Variants in COL20A1 observed in about 807,000 individuals in gnomAD.
The protein encoded by COL20A1 is collagen alpha-1(XX) chain.
COL20A1 carries 164 observed loss-of-function variants against 152.9 expected under a neutral mutation model. The ratio of observed to expected loss-of-function variants is 1.07; its 90% CI spans 0.94 to 1.22. The LOEUF is 1.22. Ranked by LOEUF, COL20A1 falls within the 50% of genes most tolerant of loss-of-function variation. The pLI is 0.00. For synonymous variants in COL20A1, 864 were observed against 756.0 expected (o/e 1.14, Z -2.34); for missense variants, 1,873 against 1,744.8 (o/e 1.07, Z -1.31).
At chr20:63,317,923 C>T (rs2068105900) in intron 21 of COL20A1, among the ~76,000 whole-genome samples, 1 of 152,042 alleles carries the variant, frequency 6.6e-6, no homozygotes, top group Admixed American at 6.5e-5. Flanking sequence ...GCTGGGTGTT[C>T]TTACGGGTGG....
chr20:63,299,755 CTTTA>C (rs1277846807), intron 3 of COL20A1, among the ~76,000 whole-genome samples: 7 of 151,598 alleles, frequency 4.6e-5, no homozygotes, highest in African/African-American at 1.7e-4. Flanking sequence ...TTATTTTCTC[CTTTA>C]TTTGATTAAT....
Position 63,306,134 on chromosome 20 carries a change from G to A in COL20A1, c.496+95G>A, listed in dbSNP as rs1262398803. The A allele has an allele frequency of 2.6e-6, 3 of 1,156,814 alleles. No individual in the cohort carries two copies. Among genetic ancestry groups the A allele is most frequent in the Non-Finnish European group, 3.6e-6 (3 of 822,364 alleles). 71.7% of individuals were successfully genotyped at this position (1,156,814 alleles called of 1,614,324 possible). ...ATGAGGCCAGGAAGTTCTTCCTCGTGTCTGACCACACGGTCTCTGACCACG... is the reference window on the plus strand; with the variant it reads ...ATGAGGCCAGGAAGTTCTTCCTCGTATCTGACCACACGGTCTCTGACCACG... On this transcript the variant is annotated intron_variant, in intron 5 of 35. Transcript: ENST00000358894. The surrounding 1 kb of genome is among the most constrained non-coding windows in gnomAD (Gnocchi z 6.9).
At chr20:63,321,820 T>A (rs962150983) in intron 26 of COL20A1, among the ~76,000 whole-genome samples, 2 of 152,138 alleles carry the variant, frequency 1.3e-5, no homozygotes, top group African/African-American at 4.8e-5. Context: ...TCCACAGCCT[T>A]GTCTACTCAG....
At chr20:63,325,153 G>C in intron 27 of COL20A1, 1 of 580,242 alleles carries the variant, frequency 1.7e-6, no homozygotes, top group Non-Finnish European at 3.2e-6. Context: ...GTGTCTCCAT[G>C]TCGGTCTGGG....
At chr20:63,298,430 A>G (rs2067826255) in intron 3 of COL20A1, among the ~76,000 whole-genome samples, 1 of 152,014 alleles carries the variant, frequency 6.6e-6, no homozygotes, top group Non-Finnish European at 1.5e-5. Context: ...AGCTGGGAGT[A>G]CAGGTGCGTG....
At position 63,297,921 on chromosome 20, in the gene COL20A1, C is replaced by T. The variant is rs945862786; in HGVS notation, c.94C>T (p.Leu32=). ...GREQVQASGL[L]RLAVLPEDRL... Reference sequence around the variant, plus strand: ...TCCTGTTTCTGTAGCAAGCGGTCTCCTGAGGCTGGCTGTGCTGCCTGAGGA... The same window carrying T: ...TCCTGTTTCTGTAGCAAGCGGTCTCTTGAGGCTGGCTGTGCTGCCTGAGGA... Residue 32 remains leucine (L), a synonymous_variant, in exon 3 of 36, where the codon CTG becomes TTG. Coordinates refer to ENST00000358894, the MANE Select transcript of COL20A1 (RefSeq NM_020882.4). 17 of 1,613,266 alleles carry T rather than the reference C, an allele frequency of 1.1e-5. No individual in the cohort carries two copies. Among genetic ancestry groups the T allele is most frequent in the Admixed American group, 3.3e-5 (2 of 59,998 alleles).
chr20:63,329,071 G>A (rs960946298), intron 34 of COL20A1: 2 of 169,764 alleles, frequency 1.2e-5, no homozygotes, highest in Middle Eastern at 5.4e-3. Flanking sequence ...GCCAGACGAG[G>A]ACTGAGTTCT....
At position 63,297,973 on chromosome 20, in the gene COL20A1, C is replaced by T. The variant is rs779300811; in HGVS notation, c.146C>T (p.Ser49Leu). 23 of 1,612,822 alleles carry T rather than the reference C, an allele frequency of 1.4e-5. No homozygotes were observed. Among genetic ancestry groups the T allele is most frequent in the Admixed American group, 6.7e-5 (4 of 59,994 alleles). ...EDRLQMKWRE[S>L]EGSGLGYLVQ... ...CGGCTGCAGATGAAGTGGAGAGAGT[C>T]GGAGGGGAGCGGCCTCGGCTACCTG... Residue 49 changes from serine to leucine, a missense_variant, in exon 3 of 36, where the codon TCG becomes TTG. Coordinates refer to ENST00000358894, the MANE Select transcript of COL20A1 (RefSeq NM_020882.4).
rs2067990872 is a variant in COL20A1 at position 63,310,464 on chromosome 20, C to T, written c.1347C>T (p.Ile449=). 6.2e-7 allele frequency: 1 copy of T among 1,608,742 alleles called. No individual in the cohort carries two copies. The highest frequency in any genetic ancestry group is 8.5e-7 in the Non-Finnish European group (1 of 1,178,344). ...RTEYLVSVFP[I]YEGGVGEGLR... ...AGTACCTGGTCTCCGTGTTCCCCAT[C>T]TATGAGGGCGGGGTTGGCGAAGGCC... The change falls in exon 11 of 36, where the codon ATC becomes ATT. Residue 449 remains isoleucine, a synonymous_variant. Transcript: ENST00000358894.
rs1360649553 is a variant in COL20A1, at chr20:63,313,289, A to G, written c.2209+40A>G. ...ACTTCCCCTCTGCTGGGTGTGGGGC[A>G]GGGATGGCCCAGGGGATCCCTGACT... is the stretch of plus-strand genomic sequence containing the variant. On this transcript the variant is annotated intron_variant, in intron 17 of 35. Coordinates refer to ENST00000358894, the MANE Select transcript of COL20A1 (RefSeq NM_020882.4). This position sits in a 1 kb window ranked among gnomAD's most constrained non-coding sequence, Gnocchi z 5.9. 6.3e-7 allele frequency: 1 copy of G among 1,581,508 alleles called. No homozygotes were observed. Among genetic ancestry groups the G allele is most frequent in the Non-Finnish European group, 8.6e-7 (1 of 1,160,726 alleles).
Position 63,333,838 on chromosome 20 carries a change from T to G in COL20A1, c.*3122T>G, listed in dbSNP as rs2068362004. The G allele has an allele frequency of 6.6e-6, 1 of 152,284 alleles. No homozygotes were observed. The highest frequency in any genetic ancestry group is 6.5e-5 in the Admixed American group (1 of 15,282). 9.4% of individuals were successfully genotyped at this position (152,284 alleles called of 1,614,324 possible). On this transcript the variant is annotated 3_prime_UTR_variant, in exon 36 of 36. Coordinates refer to ENST00000358894, the MANE Select transcript of COL20A1 (RefSeq NM_020882.4). ...AGCCTGCCCCGATGCCATCTGCACCTGGGGGGCGACGTATGGCTGCCAGCC... is the reference window on the plus strand; with the variant it reads ...AGCCTGCCCCGATGCCATCTGCACCGGGGGGGCGACGTATGGCTGCCAGCC...
Position 63,319,900 on chromosome 20 carries a change from C to A in COL20A1, c.2917-139C>A. ...AAGGGGGGGTTCTCCCAGGGTCCCC[C>A]GAAACCTGAGGTGAGGTCAGGTTCC... On this transcript the variant is annotated intron_variant, in intron 23 of 35. Coordinates refer to ENST00000358894, the MANE Select transcript of COL20A1 (RefSeq NM_020882.4). This position sits in a 1 kb window ranked among gnomAD's most constrained non-coding sequence, Gnocchi z 4.4. 1 of 844,280 alleles carries A rather than the reference C, an allele frequency of 1.2e-6. No homozygotes were observed. 52.3% of individuals were successfully genotyped at this position (844,280 alleles called of 1,614,324 possible).
intron 2 of COL20A1, among the ~76,000 whole-genome samples, chr20:63,296,024 G>C (rs1050781341): frequency 6.6e-6 from 1 of 152,264 alleles, no homozygotes; most frequent in South Asian, 2.1e-4. Flanking sequence ...CTGACAGGCC[G>C]GGGCGAGGGA....
At position 63,313,161 on chromosome 20, in the gene COL20A1, A is replaced by G. The variant is rs2068037000; in HGVS notation, c.2121A>G (p.Leu707=). 1.2e-6 allele frequency: 2 copies of G among 1,612,200 alleles called. No homozygotes were observed. Among genetic ancestry groups the G allele is most frequent in the Non-Finnish European group, 1.7e-6 (2 of 1,179,628 alleles). ...TCGGCACGGCCGTCCTGCCTGGCCT[A>G]GGGAGGCACACAGAGTACGACGTCA... The part of the protein sequence containing the change: ...GNLGTAVLPG[L]GRHTEYDVTI... The change falls in exon 17 of 36, where the codon CTA becomes CTG. Residue 707 remains leucine (L), a synonymous_variant. Transcript: ENST00000358894. This position sits in a 1 kb window ranked among gnomAD's most constrained non-coding sequence, Gnocchi z 5.9.
rs1480512870 is a variant in COL20A1, at chr20:63,311,467, C to T, written c.1467C>T (p.Pro489=). ...GAACCGTCCACCTCACCTGGCAGCC[C>T]TCGGCCGGGGCCACCCACTACCTGG... ...TPRTVHLTWQ[P]SAGATHYLVR... is the part of the protein sequence containing the mutation. Residue 489 remains proline, a synonymous_variant, in exon 12 of 36, where the codon CCC becomes CCT. Transcript: ENST00000358894. This position sits in a 1 kb window ranked among gnomAD's most constrained non-coding sequence, Gnocchi z 4.4. 1.9e-6 allele frequency: 3 copies of T among 1,574,672 alleles called. No individual in the cohort carries two copies. The highest frequency in any genetic ancestry group is 2.3e-5 in the South Asian group (2 of 86,314).
chr20:63,317,039 G>C (rs770895782), intron 21 of COL20A1, among the ~76,000 whole-genome samples: 1 of 152,232 alleles, frequency 6.6e-6, no homozygotes, highest in Non-Finnish European at 1.5e-5. Flanking sequence ...CGGATTTAGA[G>C]GAAGCGATCA....
At chr20:63,293,553 C>T (rs1415320740) in intron 1 of COL20A1, among the ~76,000 whole-genome samples, 1 of 152,112 alleles carries the variant, frequency 6.6e-6, no homozygotes, top group East Asian at 1.9e-4. Flanking sequence ...GGGTGCACAT[C>T]GAGCAGAGAG....
intron 3 of COL20A1, among the ~76,000 whole-genome samples, chr20:63,301,123 TGTC>T (rs2067857994): frequency 3.9e-5 from 6 of 152,200 alleles, no homozygotes; most frequent in Non-Finnish European, 8.8e-5. Flanking sequence ...GAGACCACCC[TGTC>T]CAACATGGCA....
intron 15 of COL20A1, 94 bp from the exon 16 acceptor site, chr20:63,312,697 TG>T: frequency 6.9e-7 from 1 of 1,459,764 alleles, no homozygotes. Flanking sequence ...GTGTGATGGA[TG>T]GGGGTATAGG....
Sources: gnomAD v4.1 joint callset for allele counts (sites outside exome capture counted in the v4.1 genomes callset) on GRCh38, gnomAD v4.1.1 for gene constraint, Gnocchi (gnomAD v3.1) non-coding constraint, MANE v1.5 for transcripts, NCBI Gene and HGNC (gene_info 2026-07-23, HGNC 2026-07-21) for gene names.